The following GAL3ST3 variants were observed in gnomAD, a reference collection of about 807,000 sequenced individuals.
The protein encoded by GAL3ST3 is beta-galactose-3-O-sulfotransferase 3.
In GAL3ST3, 21 loss-of-function variants were observed where a neutral mutation model predicts 20.8. The observed-to-expected ratio is 1.01, with a 90% CI of 0.72 to 1.45. GAL3ST3 has a LOEUF of 1.45. GAL3ST3 is among the 40% of genes most tolerant of loss of function. GAL3ST3 has a pLI of 0.00. For missense variants in GAL3ST3, 739 were observed against 662.7 expected, an observed-to-expected ratio of 1.12 and a Z score of -1.26; for synonymous variants, 355 against 307.2, an observed-to-expected ratio of 1.16 and a Z score of -1.63.
intron 1 of GAL3ST3, among the ~76,000 whole-genome samples, chr11:66,048,251 A>G (rs189651624): frequency 3.9e-5 from 6 of 152,280 alleles, no homozygotes; most frequent in Non-Finnish European, 2.9e-5. Flanking sequence ...AGTCAGAACA[A>G]TCTACCTCAC....
In GAL3ST3 at chr11:66,042,759, G is replaced by C. The variant is rs1012817728; in HGVS notation, c.1044C>G (p.Ile348Met). 3 of 1,529,376 alleles carry C rather than the reference G, an allele frequency of 2.0e-6. No individual in the cohort carries two copies. Among genetic ancestry groups the C allele is most frequent in the Non-Finnish European group, 2.6e-6 (3 of 1,144,094 alleles). The allele number at this position is 1,529,376 out of a possible 1,614,324, so 94.7% of individuals were successfully genotyped here. Reference sequence around the variant, plus strand: ...GCCACGGCTGCAGCTGCTTGGTGCGGATCTGCGCGGCAGGCCGCAGCAGTG... The same window carrying C: ...GCCACGGCTGCAGCTGCTTGGTGCGCATCTGCGCGGCAGGCCGCAGCAGTG... ...DEPLLRPAAQIRTKQLQPWQP... is the reference protein window; with the variant it reads ...DEPLLRPAAQMRTKQLQPWQP... Residue 348 changes from isoleucine (I) to methionine (M), a missense_variant, in exon 3 of 3, where the codon ATC (isoleucine) becomes ATG (methionine). Physicochemically the swap from Ile to Met is conservative, Grantham distance 10. Coordinates refer to ENST00000312006, the MANE Select transcript of GAL3ST3 (RefSeq NM_033036.3).
rs202116596 is a variant in GAL3ST3, at chr11:66,043,198, T to C, written c.605A>G (p.His202Arg). The change falls in exon 3 of 3, where the codon CAC becomes CGC. Residue 202 changes from histidine to arginine, a missense_variant. Transcript: ENST00000312006. Reference sequence around the variant, plus strand: ...GCCCAGGTCGTAGGCCAGCGTGTTGTGTGCGAACATGGCGAAGTGCTCGCC... The same window carrying C: ...GCCCAGGTCGTAGGCCAGCGTGTTGCGTGCGAACATGGCGAAGTGCTCGCC... ...RAGEHFAMFA[H>R]NTLAYDLGGD... 9.3e-6 allele frequency: 15 copies of C among 1,612,278 alleles called. No homozygotes were observed. In the East Asian group the frequency reaches 3.3e-4, roughly 36 times the overall value.
chr11:66,046,284 G>A (rs191571913), intron 1 of GAL3ST3, among the ~76,000 whole-genome samples: 1 of 152,296 alleles, frequency 6.6e-6, no homozygotes, highest in East Asian at 1.9e-4. Context: ...CCTTGCCCTA[G>A]ACTCTGGCAA....
Position 66,043,379 on chromosome 11 carries a change from G to T in GAL3ST3, c.424C>A (p.Pro142Thr). Residue 142 changes from proline to threonine, a missense_variant, in exon 3 of 3, where the codon CCG becomes ACG. Pro to Thr is a conservative substitution (Grantham distance 38). Coordinates refer to ENST00000312006, the MANE Select transcript of GAL3ST3 (RefSeq NM_033036.3). ...ATGGTGACATAGACGGTGCTGGGCG[G>T]CATGAGGCGCTCCAGCTCCGCACGG... ...FDRAELERLM[P>T]PSTVYVTILR... 1 of 1,609,394 alleles carries T rather than the reference G, an allele frequency of 6.2e-7. No individual in the cohort carries two copies. Among genetic ancestry groups the T allele is most frequent in the Non-Finnish European group, 8.5e-7 (1 of 1,178,260 alleles).
rs1856773178 is a variant in GAL3ST3, at chr11:66,045,426, C to T, written c.-11G>A. 6.3e-7 allele frequency: 1 copy of T among 1,592,460 alleles called. No homozygotes were observed. The highest frequency in any genetic ancestry group is 8.6e-7 in the Non-Finnish European group (1 of 1,169,232). ...GAGGATGGGTGGCATGGCGGAGTAC[C>T]CACCCCTGGACCAGCCAGGGCCTCA... On this transcript the variant is annotated 5_prime_UTR_variant, in exon 2 of 3. Transcript: ENST00000312006.
intron 2 of GAL3ST3, 54 bp from the exon 3 acceptor site, chr11:66,043,731 A>G: frequency 6.8e-7 from 1 of 1,466,692 alleles, no homozygotes. Context: ...CTGCCGCTTG[A>G]CCCCTGCCCT....
Position 66,043,453 on chromosome 11 carries a change from T to C in GAL3ST3, c.350A>G (p.His117Arg), listed in dbSNP as rs547077550. The C allele has an allele frequency of 1.9e-6, 3 of 1,609,468 alleles. No individual in the cohort carries two copies. The highest frequency in any genetic ancestry group is 2.7e-5 in the African/African-American group (2 of 74,930). The stretch of plus-strand genomic sequence containing the variant: ...CACGTGCGGCGGCCGCGTGGCCGGG[T>C]GCACGAAGTGCGCCGAGAAGTTGCG... The part of the protein sequence containing the change: ...YPRNFSAHFV[H>R]PATRPPHVLA... Residue 117 changes from histidine to arginine, a missense_variant, in exon 3 of 3, where the codon CAC becomes CGC. His to Arg is a conservative substitution (Grantham distance 29). Transcript: ENST00000312006.
intron 1 of GAL3ST3, among the ~76,000 whole-genome samples, chr11:66,046,436 G>A (rs945199216): frequency 1.3e-5 from 2 of 152,200 alleles, no homozygotes; most frequent in Non-Finnish European, 2.9e-5. Context: ...TGAAACCCAG[G>A]CGGCCCCATC....
At position 66,041,961 on chromosome 11, in the gene GAL3ST3, A is replaced by C. The variant is rs1228897749; in HGVS notation, c.*546T>G. ...ACTGACATACAACTCGCACATTTTA[A>C]AGATGTTTTATTAAAAAAAAGAAAA... On this transcript the variant is annotated 3_prime_UTR_variant, in exon 3 of 3. Transcript: ENST00000312006. 6.6e-6 allele frequency: 1 copy of C among 152,440 alleles called. No individual in the cohort carries two copies. The highest frequency in any genetic ancestry group is 6.5e-5 in the Admixed American group (1 of 15,278). 9.4% of individuals were successfully genotyped at this position (152,440 alleles called of 1,614,324 possible).
chr11:66,043,507 G>A lies in GAL3ST3; in HGVS notation c.296C>T (p.Pro99Leu), dbSNP rs1371187455. ...RHNLTVALPH[P>L]SCEHQFCYPR... Reference sequence around the variant, plus strand: ...GTAGCAGAACTGGTGCTCGCAGCTCGGGTGCGGCAGGGCCACCGTCAGGTT... The same window carrying A: ...GTAGCAGAACTGGTGCTCGCAGCTCAGGTGCGGCAGGGCCACCGTCAGGTT... Residue 99 changes from proline (P) to leucine (L), a missense_variant, in exon 3 of 3, where the codon CCG (proline) becomes CTG (leucine). Coordinates refer to ENST00000312006, the MANE Select transcript of GAL3ST3 (RefSeq NM_033036.3). The A allele has an allele frequency of 3.1e-6, 5 of 1,610,402 alleles. No individual in the cohort carries two copies. Among genetic ancestry groups the A allele is most frequent in the Non-Finnish European group, 4.2e-6 (5 of 1,179,386 alleles).
At position 66,043,449 on chromosome 11, in the gene GAL3ST3, C is replaced by A; in HGVS notation, c.354G>T (p.Pro118=). 3.7e-6 allele frequency: 6 copies of A among 1,609,492 alleles called. No homozygotes were observed. The highest frequency in any genetic ancestry group is 5.1e-6 in the Non-Finnish European group (6 of 1,178,476). The change falls in exon 3 of 3, where the codon CCG becomes CCT. Residue 118 remains proline (P), a synonymous_variant. Transcript: ENST00000312006. Reference sequence around the variant, plus strand: ...CCAGCACGTGCGGCGGCCGCGTGGCCGGGTGCACGAAGTGCGCCGAGAAGT... The same window carrying A: ...CCAGCACGTGCGGCGGCCGCGTGGCAGGGTGCACGAAGTGCGCCGAGAAGT... ...PRNFSAHFVH[P]ATRPPHVLAS...
chr11:66,042,508 C>T lies in GAL3ST3; in HGVS notation c.1295G>A (p.Ter432=). The T allele has an allele frequency of 4.1e-6, 6 of 1,475,866 alleles. No homozygotes were observed. The highest frequency in any genetic ancestry group is 5.4e-6 in the Non-Finnish European group (6 of 1,120,966). The allele number at this position is 1,475,866 out of a possible 1,614,324, so 91.4% of individuals were successfully genotyped here. ...RVLPRGPQGP[*] ...CATACTCCTGGAGGCCTGCGGAGCTCAGGGACCTTGAGGGCCGCGAGGCAG... is the reference window on the plus strand; with the variant it reads ...CATACTCCTGGAGGCCTGCGGAGCTTAGGGACCTTGAGGGCCGCGAGGCAG... Residue 432 remains the stop codon, a stop_retained_variant, in exon 3 of 3, where the codon TGA becomes TAA. Coordinates refer to ENST00000312006, the MANE Select transcript of GAL3ST3 (RefSeq NM_033036.3).
rs764418565 is a variant in GAL3ST3, at chr11:66,043,550, G to C, written c.253C>G (p.Arg85Gly). 2.5e-6 allele frequency: 4 copies of C among 1,611,626 alleles called. No homozygotes were observed. The highest frequency in any genetic ancestry group is 2.5e-6 in the Non-Finnish European group (3 of 1,179,878). ...AGTTVQNILF[R>G]FAERHNLTVA... is the part of the protein sequence containing the mutation. ...GTCAGGTTGTGGCGCTCGGCAAAGCGAAACAGGATGTTCTGCACCGTCGTG... is the reference window on the plus strand; with the variant it reads ...GTCAGGTTGTGGCGCTCGGCAAAGCCAAACAGGATGTTCTGCACCGTCGTG... The change falls in exon 3 of 3, where the codon CGC becomes GGC. Residue 85 changes from arginine (R) to glycine (G), a missense_variant. Coordinates refer to ENST00000312006, the MANE Select transcript of GAL3ST3 (RefSeq NM_033036.3).
chr11:66,048,577 A>G (rs1406570487), intron 1 of GAL3ST3, among the ~76,000 whole-genome samples: 1 of 151,930 alleles, frequency 6.6e-6, no homozygotes, highest in Non-Finnish European at 1.5e-5. Context: ...GGGGGTCTGC[A>G]AAGTACTGGC....
chr11:66,045,333 C>T lies in GAL3ST3; in HGVS notation c.83G>A (p.Ser28Asn). Reference protein sequence around the residue: ...RKILLLVLGCSTVSLLIHQGA... With the variant: ...RKILLLVLGCNTVSLLIHQGA... ...CTGGTGGATGAGAAGGCTTACGGTG[C>T]TGCACCCTAGCACCAGCAGCAGGAT... The change falls in exon 2 of 3, where the codon AGC becomes AAC. Residue 28 changes from serine to asparagine, a missense_variant. By Grantham distance (46) the Ser-to-Asn change is conservative (BLOSUM62 1). Coordinates refer to ENST00000312006, the MANE Select transcript of GAL3ST3 (RefSeq NM_033036.3). The T allele has an allele frequency of 6.2e-7, 1 of 1,606,456 alleles. No individual in the cohort carries two copies. Among genetic ancestry groups the T allele is most frequent in the Non-Finnish European group, 8.5e-7 (1 of 1,176,194 alleles).
intron 1 of GAL3ST3, among the ~76,000 whole-genome samples, chr11:66,046,134 C>G (rs1037065280): frequency 3.3e-5 from 5 of 152,200 alleles, no homozygotes; most frequent in Non-Finnish European, 7.3e-5. Flanking sequence ...GAAACTGAGG[C>G]TCTAAGAGAT....
intron 2 of GAL3ST3, 33 bp downstream of exon 2, chr11:66,045,258 A>T: frequency 6.8e-7 from 1 of 1,473,680 alleles, no homozygotes; most frequent in Non-Finnish European, 9.0e-7. Flanking sequence ...TGGGGAGGGG[A>T]GCTCCGGCCC....
chr11:66,044,060 GC>G (rs1856755045), intron 2 of GAL3ST3, among the ~76,000 whole-genome samples: 1 of 152,268 alleles, frequency 6.6e-6, no homozygotes, highest in East Asian at 1.9e-4. Context: ...CATATAGTGG[GC>G]AGCCCTATAG....
chr11:66,048,542 C>T (rs1354521329), intron 1 of GAL3ST3, among the ~76,000 whole-genome samples: 1 of 152,072 alleles, frequency 6.6e-6, no homozygotes, highest in African/African-American at 2.4e-5. Context: ...ACCCAGGGTG[C>T]TCCAGAGGAG....
Sources: gnomAD v4.1 joint callset for allele counts (sites outside exome capture counted in the v4.1 genomes callset) on GRCh38, gnomAD v4.1.1 for gene constraint, MANE v1.5 for transcripts, NCBI Gene and HGNC (gene_info 2026-07-23, HGNC 2026-07-21) for gene names.